The following INPP4A variants were observed in gnomAD, a reference collection of about 807,000 sequenced individuals.
INPP4A encodes inositol polyphosphate-4-phosphatase type I A, also known as inositol polyphosphate-4-phosphatase, type I, 107kD.
A neutral mutation model predicts 119.8 loss-of-function variants in INPP4A; 33 were observed. The ratio of observed to expected loss-of-function variants is 0.28; its 90% confidence interval spans 0.21 to 0.37. INPP4A has a LOEUF of 0.37. Among genes scored for constraint, INPP4A ranks in the 10% least tolerant of loss-of-function variants. The pLI, the probability that INPP4A is intolerant of heterozygous loss-of-function variation, is 1.00. For missense variants in INPP4A, 956 were observed against 1,289.9 expected (o/e 0.74, Z 3.97); for synonymous variants, 496 against 500.7 (o/e 0.99, Z 0.12).
intron 20 of INPP4A, 38 bp downstream of exon 20, chr2:98,565,804 G>A (rs775488479): frequency 1.4e-5 from 23 of 1,595,104 alleles, no homozygotes; most frequent in South Asian, 3.4e-5. Context: ...GCCAGAGAGC[G>A]GTTTTCATTT....
chr2:98,585,973 A>C (rs1263409832), intron 24 of INPP4A, among the ~76,000 whole-genome samples: 1 of 152,236 alleles, frequency 6.6e-6, no homozygotes, highest in Non-Finnish European at 1.5e-5. Flanking sequence ...TTAATGTAAG[A>C]GTTTCCAAAG....
chr2:98,500,693 C>T (rs1033768241), intron 1 of INPP4A, among the ~76,000 whole-genome samples: 9 of 152,178 alleles, frequency 5.9e-5, no homozygotes, highest in Middle Eastern at 3.2e-3. Flanking sequence ...ACCCACCTAA[C>T]AGGATTCTTG....
intron 1 of INPP4A, among the ~76,000 whole-genome samples, chr2:98,479,863 CA>C (rs1678045912): frequency 6.6e-6 from 1 of 152,180 alleles, no homozygotes. Context: ...GTACAGGGGT[CA>C]GCTCTCCCTT....
chr2:98,524,084 G>C (rs1369028504), intron 4 of INPP4A, among the ~76,000 whole-genome samples: 1 of 152,104 alleles, frequency 6.6e-6, no homozygotes, highest in East Asian at 1.9e-4. Context: ...ATTTTAGCCA[G>C]CCTCCTACTG....
In INPP4A at chr2:98,546,847, C is replaced by T. The variant is rs1692566212; in HGVS notation, c.1163+153C>T. Reference sequence around the variant, plus strand: ...GATCTGCCTTATGGAGCCTGTGCTGCTCTGTTTATGTGTGACTGAGCTGGG... The same window carrying T: ...GATCTGCCTTATGGAGCCTGTGCTGTTCTGTTTATGTGTGACTGAGCTGGG... On this transcript the variant is annotated intron_variant, in intron 13 of 24. Transcript: ENST00000409851. This position sits in a 1 kb window ranked among gnomAD's most constrained non-coding sequence, Gnocchi z 4.2. Among the ~76,000 whole-genome samples the T allele has an allele frequency of 1.3e-5, 2 of 152,192 alleles. No individual in the cohort carries two copies. Among genetic ancestry groups the T allele is most frequent in the Admixed American group, 1.3e-4 (2 of 15,278 alleles).
intron 1 of INPP4A, among the ~76,000 whole-genome samples, chr2:98,476,754 G>T (rs1677306117): frequency 6.6e-6 from 1 of 152,184 alleles, no homozygotes; most frequent in Admixed American, 6.5e-5. Context: ...CTCCCTTCCT[G>T]TCTTCCAGAA....
At chr2:98,528,790 C>G (rs1402524955) in intron 4 of INPP4A, among the ~76,000 whole-genome samples, 1 of 152,088 alleles carries the variant, frequency 6.6e-6, no homozygotes, top group African/African-American at 2.4e-5. Flanking sequence ...CAAGAATTTT[C>G]TATTCGGCCA....
chr2:98,517,554 C>G (rs1686388122), intron 1 of INPP4A, among the ~76,000 whole-genome samples: 1 of 152,178 alleles, frequency 6.6e-6, no homozygotes, highest in Non-Finnish European at 1.5e-5. Flanking sequence ...AGTGCTTGTG[C>G]AGAGGTATCT....
intron 1 of INPP4A, among the ~76,000 whole-genome samples, chr2:98,482,653 G>A (rs1678712022): frequency 6.6e-6 from 1 of 152,236 alleles, no homozygotes; most frequent in Non-Finnish European, 1.5e-5. Flanking sequence ...AGTCAGTGCT[G>A]ACAGTAGGCA....
chr2:98,565,255 A>T (rs1696217950), intron 19 of INPP4A, among the ~76,000 whole-genome samples: 2 of 152,258 alleles, frequency 1.3e-5, no homozygotes, highest in Non-Finnish European at 2.9e-5. Flanking sequence ...TCGAATAGAT[A>T]TCAAGCCCTG....
Position 98,575,692 on chromosome 2 carries a change from CA to C in INPP4A, c.2632-1296del, listed in dbSNP as rs140724093. ...TAGTGATGATCCTGGTAGTGACTGG[CA>C]TGCTCTTTGGCTTTGCTGGCCTGAC... On this transcript the variant is annotated intron_variant, in intron 23 of 24. Transcript: ENST00000409851. Among the ~76,000 whole-genome samples, 587 of 152,290 alleles carry C rather than the reference CA, an allele frequency of 3.9e-3. 4 individuals are homozygous for C. Among genetic ancestry groups the C allele is most frequent in the African/African-American group, 0.013 (550 of 41,544 alleles).
At chr2:98,530,988 T>A (rs1689105288) in intron 4 of INPP4A, among the ~76,000 whole-genome samples, 1 of 152,234 alleles carries the variant, frequency 6.6e-6, no homozygotes, top group African/African-American at 2.4e-5. Flanking sequence ...CAGATGGACG[T>A]CGTCTTGTTG....
In INPP4A at chr2:98,592,644, A is replaced by G. The variant is rs1323149459; in HGVS notation, c.*5036A>G. On this transcript the variant is annotated 3_prime_UTR_variant, in exon 25 of 25. Transcript: ENST00000409851. ...AAAAAGATCTTTCATTCCTGTGAACACCAAGCAGCGCGGCCTCTGGCAGAG... is the reference window on the plus strand; with the variant it reads ...AAAAAGATCTTTCATTCCTGTGAACGCCAAGCAGCGCGGCCTCTGGCAGAG... The G allele has an allele frequency of 6.6e-6, 1 of 152,234 alleles. No individual in the cohort carries two copies. The highest frequency in any genetic ancestry group is 1.9e-4 in the East Asian group (1 of 5,194). 9.4% of individuals were successfully genotyped at this position (152,234 alleles called of 1,614,324 possible). A position where few individuals can be genotyped will look rare whatever the true frequency, so the allele number is the denominator to read the frequency against.
At chr2:98,532,478 T>C (rs1486597253) in intron 4 of INPP4A, among the ~76,000 whole-genome samples, 2 of 152,244 alleles carry the variant, frequency 1.3e-5, no homozygotes, top group Admixed American at 1.3e-4. Flanking sequence ...GCATTAAGTA[T>C]AGTCGTGTGT....
intron 1 of INPP4A, among the ~76,000 whole-genome samples, chr2:98,504,612 C>T (rs924266864): frequency 7.9e-5 from 12 of 152,320 alleles, no homozygotes; most frequent in Middle Eastern, 3.4e-3. Flanking sequence ...ATTGTCTTCC[C>T]GGCATTTCAT....
At chr2:98,583,226 TA>T (rs1699580247) in intron 24 of INPP4A, among the ~76,000 whole-genome samples, 1 of 152,228 alleles carries the variant, frequency 6.6e-6, no homozygotes, top group Non-Finnish European at 1.5e-5. Flanking sequence ...ATTTTTCATT[TA>T]AAAAATGGTA....
At chr2:98,455,891 G>T (rs944217296) in intron 1 of INPP4A, among the ~76,000 whole-genome samples, 1 of 152,228 alleles carries the variant, frequency 6.6e-6, no homozygotes, top group Non-Finnish European at 1.5e-5. Context: ...GAGGGAAGCT[G>T]CCTGTGTGTC....
chr2:98,453,159 G>T (rs1695524244), intron 1 of INPP4A, among the ~76,000 whole-genome samples: 1 of 152,200 alleles, frequency 6.6e-6, no homozygotes. Context: ...TGAAACTAAA[G>T]AGTTGAGATA....
intron 1 of INPP4A, among the ~76,000 whole-genome samples, chr2:98,452,500 G>T (rs1695403007): frequency 6.6e-6 from 1 of 152,172 alleles, no homozygotes; most frequent in Non-Finnish European, 1.5e-5. Context: ...CTGGAGACAG[G>T]GCTGACTTTT....
Sources: allele counts gnomAD v4.1 joint callset (sites outside exome capture counted in the v4.1 genomes callset), GRCh38; gene constraint gnomAD v4.1.1; non-coding constraint Gnocchi (gnomAD v3.1); transcripts MANE v1.5; gene names NCBI Gene and HGNC (gene_info 2026-07-23, HGNC 2026-07-21).